NALF1: variants seen among roughly 807,000 people sequenced by gnomAD.
NALF1 encodes the protein NALCN channel auxiliary factor 1, also known as family with sequence similarity 155 member A.
In NALF1, 3 loss-of-function variants were observed where a neutral mutation model predicts 48.4. That is an observed-to-expected ratio of 0.06 (90% CI 0.03 to 0.16). The LOEUF (loss-of-function observed/expected upper bound fraction) is 0.16, where lower values mean the gene tolerates loss of function less well. Among genes scored for constraint, NALF1 ranks in the 10% least tolerant of loss-of-function variants. The pLI, the probability that NALF1 is intolerant of heterozygous loss-of-function variation, is 1.00. For synonymous variants in NALF1, 262 were observed against 245.7 expected (o/e 1.07, Z -0.62); for missense variants, 526 against 571.5 (o/e 0.92, Z 0.81).
Position 107,169,224 on chromosome 13 carries a change from T to TA in NALF1, c.*1272dup, listed in dbSNP as rs1490931629. The TA allele has an allele frequency of 1.3e-5, 2 of 152,332 alleles. No homozygotes were observed. The highest frequency in any genetic ancestry group is 2.9e-5 in the Non-Finnish European group (2 of 68,042). The allele number at this position is 152,332 out of a possible 1,614,324, so 9.4% of individuals were successfully genotyped here. ...AAAAATGGCTGACCTATTTATTTTT[T>TA]AAAAAAGAAGTTGTTCCTCTGTGAT... On this transcript the variant is annotated 3_prime_UTR_variant, in exon 3 of 3. Transcript: ENST00000375915.
At chr13:107,177,980 G>GA (rs1878973287) in intron 2 of NALF1, among the ~76,000 whole-genome samples, 1 of 152,194 alleles carries the variant, frequency 6.6e-6, no homozygotes, top group Non-Finnish European at 1.5e-5. Context: ...CCAGGAGGCA[G>GA]AGGTTGCAGT....
At chr13:107,506,819 T>A (rs537681681) in intron 1 of NALF1, among the ~76,000 whole-genome samples, 3 of 152,134 alleles carry the variant, frequency 2.0e-5, no homozygotes, top group African/African-American at 7.2e-5. Flanking sequence ...TTTTTGGTCA[T>A]TGTAAGTAAT....
At chr13:107,226,544 A>C (rs1182507818) in intron 1 of NALF1, among the ~76,000 whole-genome samples, 1 of 152,196 alleles carries the variant, frequency 6.6e-6, no homozygotes, top group East Asian at 1.9e-4. Context: ...CAAAACATAA[A>C]ATCCTGTTGC....
intron 1 of NALF1, among the ~76,000 whole-genome samples, chr13:107,746,462 T>G (rs879284651): frequency 1.3e-5 from 2 of 152,218 alleles, no homozygotes; most frequent in Non-Finnish European, 2.9e-5. Flanking sequence ...AACATTCCAT[T>G]GCCAAACGTG....
At chr13:107,361,540 T>A (rs567387853) in intron 1 of NALF1, among the ~76,000 whole-genome samples, 1 of 151,504 alleles carries the variant, frequency 6.6e-6, no homozygotes, top group Non-Finnish European at 1.5e-5. Context: ...AAATGAGCCA[T>A]GGAAAAAAAG....
intron 1 of NALF1, among the ~76,000 whole-genome samples, chr13:107,335,645 A>G (rs1566488322): frequency 6.6e-6 from 1 of 152,236 alleles, no homozygotes; most frequent in East Asian, 1.9e-4. Context: ...ACTTCTTTTA[A>G]CCTCCAGCAA....
intron 1 of NALF1, among the ~76,000 whole-genome samples, chr13:107,611,117 T>C (rs1402961728): frequency 3.3e-5 from 5 of 152,178 alleles, no homozygotes; most frequent in Non-Finnish European, 2.9e-5. Context: ...CTTTGTGTAA[T>C]TATTTCATTT....
chr13:107,454,985 T>C (rs1884800891), intron 1 of NALF1, among the ~76,000 whole-genome samples: 1 of 152,182 alleles, frequency 6.6e-6, no homozygotes, highest in Admixed American at 6.5e-5. Flanking sequence ...CCACATTTCA[T>C]CTCAAACATT....
chr13:107,691,979 TAATATATTGTTCTTGTTCA>T (rs1448384114), intron 1 of NALF1, among the ~76,000 whole-genome samples: 5 of 152,212 alleles, frequency 3.3e-5, no homozygotes, highest in Non-Finnish European at 7.4e-5. Context: ...GAACAGACAT[TAATATATTGTTCTTGTTCA>T]ATAAATGTTT....
intron 1 of NALF1, among the ~76,000 whole-genome samples, chr13:107,308,424 G>C (rs919034782): frequency 1.3e-5 from 2 of 151,846 alleles, no homozygotes; most frequent in East Asian, 3.9e-4. Flanking sequence ...GGATGGTCTC[G>C]ATCTCCTGAC....
intron 1 of NALF1, among the ~76,000 whole-genome samples, chr13:107,565,438 T>G (rs1877781865): frequency 6.7e-6 from 1 of 150,142 alleles, no homozygotes; most frequent in Admixed American, 6.6e-5. Flanking sequence ...ATAAGAGCTC[T>G]AGGAAGGTGA....
chr13:107,411,294 GA>G (rs1883985192), intron 1 of NALF1, among the ~76,000 whole-genome samples: 2 of 132,282 alleles, frequency 1.5e-5, no homozygotes, highest in African/African-American at 5.6e-5. Flanking sequence ...GTGAAATGTA[GA>G]ATCTTGTTTT....
In NALF1 at chr13:107,792,594, A is replaced by G. The variant is rs549881612; in HGVS notation, c.915+73088T>C. ...CCACATACTCTGACATTAAATTGCC[A>G]AACTACTATCACCATGACAATCTTT... On this transcript the variant is annotated intron_variant, in intron 1 of 2. Coordinates refer to ENST00000375915, the MANE Select transcript of NALF1 (RefSeq NM_001080396.3). 1.4e-3 allele frequency among the ~76,000 whole-genome samples: 209 copies of G among 152,326 alleles called. 1 individual carries two copies. Among genetic ancestry groups the G allele is most frequent in the East Asian group, 2.9e-3 (15 of 5,186 alleles).
intron 1 of NALF1, among the ~76,000 whole-genome samples, chr13:107,688,494 T>C (rs1203362262): frequency 5.9e-5 from 9 of 152,216 alleles, no homozygotes; most frequent in Admixed American, 4.6e-4. Context: ...TATATAACTA[T>C]GTTTTGAACA....
At chr13:107,658,957 T>C (rs1012279308) in intron 1 of NALF1, among the ~76,000 whole-genome samples, 10 of 152,064 alleles carry the variant, frequency 6.6e-5, no homozygotes, top group African/African-American at 2.4e-4. Context: ...CAGATCATTA[T>C]TCCACCTGCT....
chr13:107,411,442 A>G lies in NALF1; in HGVS notation c.916-200687T>C, dbSNP rs899973350. On this transcript the variant is annotated intron_variant, in intron 1 of 2. Coordinates refer to ENST00000375915, the MANE Select transcript of NALF1 (RefSeq NM_001080396.3). ...TACTCCCACCTCGACCCCACAAAGT[A>G]TTGGGATTACAGGCATGAGCTTCCC... 2.6e-5 allele frequency among the ~76,000 whole-genome samples: 4 copies of G among 151,642 alleles called. No homozygotes were observed. In the East Asian group the frequency reaches 5.8e-4, roughly 22 times the overall value.
At chr13:107,735,388 A>G (rs1455621639) in intron 1 of NALF1, among the ~76,000 whole-genome samples, 1 of 152,166 alleles carries the variant, frequency 6.6e-6, no homozygotes, top group Non-Finnish European at 1.5e-5. Flanking sequence ...AGAATGGCCA[A>G]ATGTTTTCAG....
chr13:107,182,375 T>C (rs764076124), intron 2 of NALF1, among the ~76,000 whole-genome samples: 2 of 151,842 alleles, frequency 1.3e-5, no homozygotes, highest in Non-Finnish European at 2.9e-5. Context: ...CAGGCCCAAG[T>C]GATCCTCCTG....
intron 1 of NALF1, among the ~76,000 whole-genome samples, chr13:107,783,708 C>G (rs902085431): frequency 1.3e-5 from 2 of 151,508 alleles, no homozygotes; most frequent in Non-Finnish European, 2.9e-5. Flanking sequence ...TCTCAAGTAC[C>G]CAGGGACACA....
Sources: gnomAD v4.1 joint callset for allele counts (sites outside exome capture counted in the v4.1 genomes callset) on GRCh38, gnomAD v4.1.1 for gene constraint, MANE v1.5 for transcripts, NCBI Gene and HGNC (gene_info 2026-07-23, HGNC 2026-07-21) for gene names.